Variants in PARP8 observed in about 807,000 individuals in gnomAD.
PARP8 encodes poly(ADP-ribose) polymerase family member 8.
A neutral mutation model predicts 124.1 loss-of-function variants in PARP8; 51 were observed. The observed-to-expected ratio is 0.41, with a 90% CI of 0.33 to 0.52. The LOEUF (loss-of-function observed/expected upper bound fraction) is 0.52. Ranked by LOEUF, PARP8 falls within the 20% of genes least tolerant of loss-of-function variation. The pLI, the probability that PARP8 is intolerant of heterozygous loss-of-function variation, is 0.21. For missense variants in PARP8, 860 were observed against 1,018.9 expected (o/e 0.84, Z 2.12); for synonymous variants, 391 against 361.5 (o/e 1.08, Z -0.93).
At chr5:50,710,442 AC>A (rs1754659239) in intron 2 of PARP8, among the ~76,000 whole-genome samples, 1 of 152,138 alleles carries the variant, frequency 6.6e-6, no homozygotes, top group Non-Finnish European at 1.5e-5. Flanking sequence ...AGAAGTAGTC[AC>A]ATGCTTCATG....
intron 2 of PARP8, among the ~76,000 whole-genome samples, chr5:50,706,188 T>C (rs1472926858): frequency 1.3e-5 from 2 of 152,198 alleles, no homozygotes; most frequent in Non-Finnish European, 2.9e-5. Context: ...CCCATTGTTA[T>C]TTTAATTTGT....
rs192315868 is a variant in PARP8, at chr5:50,811,837, T to G, written c.1576-3595T>G. Among the ~76,000 whole-genome samples, 461 of 152,212 alleles carry G rather than the reference T, an allele frequency of 3.0e-3. 3 individuals carry two copies. The highest frequency in any genetic ancestry group is 5.0e-3 in the Non-Finnish European group (337 of 68,018). ...CCCACCTATGAGTGAGAACACGCGGTGTTTGGTTTTCTGTCTTTGCGATAG... is the reference window on the plus strand; with the variant it reads ...CCCACCTATGAGTGAGAACACGCGGGGTTTGGTTTTCTGTCTTTGCGATAG... On this transcript the variant is annotated intron_variant, in intron 14 of 25. Coordinates refer to ENST00000281631, the MANE Select transcript of PARP8 (RefSeq NM_024615.4).
chr5:50,793,363 T>TG (rs1742174628), intron 10 of PARP8, among the ~76,000 whole-genome samples: 1 of 152,196 alleles, frequency 6.6e-6, no homozygotes, highest in Non-Finnish European at 1.5e-5. Flanking sequence ...GTATTAGTGT[T>TG]GAGGGCCACT....
chr5:50,816,044 A>C (rs1745066070), intron 15 of PARP8, among the ~76,000 whole-genome samples: 1 of 152,116 alleles, frequency 6.6e-6, no homozygotes, highest in Non-Finnish European at 1.5e-5. Flanking sequence ...TATAAGAAAA[A>C]AAATAAAAGA....
chr5:50,845,664 AG>A lies in PARP8; in HGVS notation c.*3599del, dbSNP rs1225500339. 6.6e-6 allele frequency: 1 copy of A among 151,806 alleles called. No individual in the cohort carries two copies. Among genetic ancestry groups the A allele is most frequent in the African/African-American group, 2.4e-5 (1 of 41,430 alleles). The allele number at this position is 151,806 out of a possible 1,614,324, so 9.4% of individuals were successfully genotyped here. A position where few individuals can be genotyped will look rare whatever the true frequency, so the allele number is the denominator to read the frequency against. On this transcript the variant is annotated 3_prime_UTR_variant, in exon 26 of 26. Coordinates refer to ENST00000281631, the MANE Select transcript of PARP8 (RefSeq NM_024615.4). ...TATTTCAGTCACTGGTAACAATGTC[AG>A]GGTTAACACCCAATGAATTATTTGA...
At chr5:50,822,038 T>C (rs2149702529) in intron 16 of PARP8, among the ~76,000 whole-genome samples, 1 of 152,356 alleles carries the variant, frequency 6.6e-6, no homozygotes, top group African/African-American at 2.4e-5. Context: ...TATGGCTTAG[T>C]GTTTTAGTGG....
chr5:50,761,840 C>G lies in PARP8; in HGVS notation c.365C>G (p.Thr122Arg). Residue 122 changes from threonine to arginine, a missense_variant, in exon 6 of 26, where the codon ACA (threonine) becomes AGA (arginine). Transcript: ENST00000281631. ...TTTAAGGAATCAAGACAGAATAGTA[C>G]AGTGGAGGAAGATTCTGAAGGTGAC... is the stretch of plus-strand genomic sequence containing the variant. The part of the protein sequence containing the change: ...ENGEESRQNS[T>R]VEEDSEGDND... 1.3e-6 allele frequency: 2 copies of G among 1,598,198 alleles called. No individual in the cohort carries two copies.
chr5:50,772,197 G>A (rs1241997254), intron 7 of PARP8, among the ~76,000 whole-genome samples: 2 of 152,032 alleles, frequency 1.3e-5, no homozygotes, highest in African/African-American at 2.4e-5. Flanking sequence ...ATTTTTTTAT[G>A]GCAGAGCAGT....
chr5:50,726,396 C>T (rs1200346395), intron 2 of PARP8, among the ~76,000 whole-genome samples: 3 of 152,088 alleles, frequency 2.0e-5, no homozygotes, highest in Non-Finnish European at 2.9e-5. Context: ...CTTTTTTTCC[C>T]GCATTTTACA....
chr5:50,695,296 C>A (rs975102198), intron 2 of PARP8, among the ~76,000 whole-genome samples: 1 of 152,152 alleles, frequency 6.6e-6, no homozygotes, highest in Non-Finnish European at 1.5e-5. Context: ...TCATGTAGAT[C>A]TGAACTGTAG....
intron 14 of PARP8, among the ~76,000 whole-genome samples, chr5:50,798,069 G>T (rs1278056223): frequency 6.6e-6 from 1 of 152,064 alleles, no homozygotes. Context: ...ACAGTATGTG[G>T]GCTTTTGTTT....
chr5:50,732,534 T>G (rs1031850224), intron 2 of PARP8, among the ~76,000 whole-genome samples: 6 of 152,232 alleles, frequency 3.9e-5, no homozygotes, highest in Admixed American at 3.3e-4. Context: ...AATTTGGCTT[T>G]GAGAACATAG....
At chr5:50,762,753 G>A (rs1760684547) in intron 6 of PARP8, among the ~76,000 whole-genome samples, 3 of 152,226 alleles carry the variant, frequency 2.0e-5, no homozygotes, top group Non-Finnish European at 2.9e-5. Flanking sequence ...TTTTCCCAAC[G>A]AAATGATTCC....
At chr5:50,782,165 T>C (rs26068) in intron 9 of PARP8, among the ~76,000 whole-genome samples, 15,010 of 152,262 alleles carry the variant, frequency 0.099, 795 homozygotes, top group South Asian at 0.16. Flanking sequence ...AGCATCTATC[T>C]CTTTCATAGA....
chr5:50,826,897 C>G, intron 19 of PARP8, 94 bp downstream of exon 19: 2 of 1,492,722 alleles, frequency 1.3e-6, no homozygotes, highest in Non-Finnish European at 1.8e-6. Context: ...TAGCCAGACT[C>G]TCCAAGAATT....
At chr5:50,771,149 T>A (rs1336932354) in intron 7 of PARP8, among the ~76,000 whole-genome samples, 7 of 150,276 alleles carry the variant, frequency 4.7e-5, no homozygotes, top group Non-Finnish European at 7.4e-5. Flanking sequence ...ATATATATAA[T>A]ATATATATAT....
At chr5:50,814,124 T>C (rs1252352359) in intron 14 of PARP8, among the ~76,000 whole-genome samples, 1 of 152,130 alleles carries the variant, frequency 6.6e-6, no homozygotes, top group Non-Finnish European at 1.5e-5. Context: ...TACTGTTTCA[T>C]TGTATTGAAG....
At chr5:50,804,185 C>T (rs947008965) in intron 14 of PARP8, among the ~76,000 whole-genome samples, 3 of 152,044 alleles carry the variant, frequency 2.0e-5, no homozygotes, top group African/African-American at 7.3e-5. Context: ...TATCTGTTGC[C>T]TCACACAACT....
At chr5:50,768,280 A>G (rs1761248522) in intron 7 of PARP8, among the ~76,000 whole-genome samples, 3 of 152,170 alleles carry the variant, frequency 2.0e-5, no homozygotes, top group South Asian at 2.1e-4. Flanking sequence ...TAGGAGAACA[A>G]ATTGCTAAGA....
Sources: gnomAD v4.1 joint callset for allele counts (sites outside exome capture counted in the v4.1 genomes callset) on GRCh38, gnomAD v4.1.1 for gene constraint, MANE v1.5 for transcripts, NCBI Gene and HGNC (gene_info 2026-07-23, HGNC 2026-07-21) for gene names.